FRMD4A: variants seen among roughly 807,000 people sequenced by gnomAD.
The protein encoded by FRMD4A is FERM domain-containing protein 4A.
FRMD4A carries 29 observed loss-of-function variants against 129.1 expected under a neutral mutation model. The observed-to-expected ratio is 0.22, with a 90% CI of 0.17 to 0.31. The LOEUF (loss-of-function observed/expected upper bound fraction) is 0.31, where lower values mean the gene tolerates loss of function less well. FRMD4A is among the 10% of genes least tolerant of loss of function. The pLI is 1.00. For missense variants in FRMD4A, 1,272 were observed against 1,375.8 expected (o/e 0.92, Z 1.19); for synonymous variants, 634 against 571.6 (o/e 1.11, Z -1.56).
chr10:14,181,665 A>G (rs1841917226), intron 2 of FRMD4A, among the ~76,000 whole-genome samples: 1 of 152,200 alleles, frequency 6.6e-6, no homozygotes, highest in Admixed American at 6.5e-5. Context: ...ATGTTCTGAT[A>G]TATGTACGCA....
intron 6 of FRMD4A, among the ~76,000 whole-genome samples, chr10:13,766,717 C>A (rs1478094260): frequency 2.0e-5 from 3 of 152,170 alleles, no homozygotes; most frequent in Non-Finnish European, 2.9e-5. Context: ...CCTTAAGATT[C>A]TACCACGATG....
chr10:13,658,443 G>A (rs950276831), intron 21 of FRMD4A, among the ~76,000 whole-genome samples: 3 of 152,368 alleles, frequency 2.0e-5, no homozygotes, highest in Non-Finnish European at 4.4e-5. Flanking sequence ...GATGTTGCCC[G>A]ATGCTGGGAC....
At chr10:14,205,154 G>A (rs1380906048) in intron 2 of FRMD4A, among the ~76,000 whole-genome samples, 10 of 150,302 alleles carry the variant, frequency 6.7e-5, no homozygotes, top group African/African-American at 2.4e-4. Context: ...GTTAGCCATA[G>A]GAAAAAAAAT....
intron 2 of FRMD4A, among the ~76,000 whole-genome samples, chr10:14,184,933 T>C (rs1842039875): frequency 6.6e-6 from 1 of 152,182 alleles, no homozygotes; most frequent in African/African-American, 2.4e-5. Flanking sequence ...TAAAGTCGTG[T>C]AGGGTGTTTC....
intron 2 of FRMD4A, among the ~76,000 whole-genome samples, chr10:14,153,772 C>T (rs1484354890): frequency 6.6e-6 from 1 of 152,204 alleles, no homozygotes; most frequent in Non-Finnish European, 1.5e-5. Flanking sequence ...GAAGCACTGG[C>T]AGAAAGTCGG....
chr10:14,218,361 C>A (rs945310091), intron 2 of FRMD4A, among the ~76,000 whole-genome samples: 3 of 152,174 alleles, frequency 2.0e-5, no homozygotes, highest in Non-Finnish European at 4.4e-5. Flanking sequence ...TCATTCTCTG[C>A]CACAGATTAG....
rs76302617 is a variant in FRMD4A at position 14,309,441 on chromosome 10, C to A, written c.45+20617G>T. 5.5e-3 allele frequency among the ~76,000 whole-genome samples: 837 copies of A among 152,106 alleles called. 34 individuals carry two copies. In the East Asian group the frequency reaches 0.063, roughly 11 times the overall value. The stretch of plus-strand genomic sequence containing the variant: ...CTCCAGCCTGGGCCACAGAGGGAGA[C>A]CTTGTCACAAAAACAAAAACAAAAC... On this transcript the variant is annotated intron_variant, in intron 2 of 24. Coordinates refer to ENST00000357447, the MANE Select transcript of FRMD4A (RefSeq NM_018027.5).
rs1038849345 is a variant in FRMD4A at position 13,718,086 on chromosome 10, A to G, written c.760-10973T>C. On this transcript the variant is annotated intron_variant, in intron 12 of 24. Coordinates refer to ENST00000357447, the MANE Select transcript of FRMD4A (RefSeq NM_018027.5). ...ACTTTGGAACACCTCGTGCTTCCAG[A>G]GCCGGCCCATCCTGCTGGGGAGGGG... is the stretch of plus-strand genomic sequence containing the variant. 4.6e-5 allele frequency among the ~76,000 whole-genome samples: 7 copies of G among 152,186 alleles called. No individual in the cohort carries two copies. The East Asian group carries it at 1.2e-3, about 25-fold the overall frequency.
intron 15 of FRMD4A, chr10:13,683,963 A>AC (rs1291045988): frequency 6.6e-6 from 1 of 151,504 alleles, no homozygotes; most frequent in Non-Finnish European, 1.5e-5. Context: ...GCCCGCCTTG[A>AC]CTCCCAAAGT....
intron 2 of FRMD4A, among the ~76,000 whole-genome samples, chr10:14,313,559 T>C (rs909878902): frequency 1.3e-5 from 2 of 152,206 alleles, no homozygotes; most frequent in Non-Finnish European, 2.9e-5. Flanking sequence ...ACAATGTTTT[T>C]TGTTTTTCTA....
At chr10:14,266,510 TG>T (rs1844985092) in intron 2 of FRMD4A, among the ~76,000 whole-genome samples, 1 of 151,184 alleles carries the variant, frequency 6.6e-6, no homozygotes, top group African/African-American at 2.5e-5. Context: ...TGTGTGTGTG[TG>T]TGTGTGTGTG....
rs371351602 is a variant in FRMD4A, at chr10:13,920,593, A to G, written c.46-61681T>C. Among the ~76,000 whole-genome samples the G allele has an allele frequency of 8.4e-4, 128 of 152,326 alleles. 1 individual carries two copies. The highest frequency in any genetic ancestry group is 3.4e-3 in the Middle Eastern group (1 of 294). ...GTCCACAGCACTTGAATTCCACCAC[A>G]CACTTATAGGTGAATAGTGGAAAAC... On this transcript the variant is annotated intron_variant, in intron 2 of 24. Coordinates refer to ENST00000357447, the MANE Select transcript of FRMD4A (RefSeq NM_018027.5).
intron 12 of FRMD4A, among the ~76,000 whole-genome samples, chr10:13,724,987 G>C (rs954993362): frequency 6.6e-6 from 1 of 152,188 alleles, no homozygotes; most frequent in African/African-American, 2.4e-5. Context: ...GACAGACGTG[G>C]GGTTACCTAC....
intron 12 of FRMD4A, among the ~76,000 whole-genome samples, chr10:13,736,332 G>A (rs1208738774): frequency 1.3e-5 from 2 of 152,126 alleles, no homozygotes; most frequent in Non-Finnish European, 2.9e-5. Context: ...CCACAATTGA[G>A]GAACACAAAG....
intron 2 of FRMD4A, among the ~76,000 whole-genome samples, chr10:14,252,343 A>C (rs1844467562): frequency 6.6e-6 from 1 of 152,252 alleles, no homozygotes; most frequent in South Asian, 2.1e-4. Flanking sequence ...GATTTTTGCC[A>C]ATTGGACAAA....
chr10:14,098,048 T>TATTATATATAAATTATA (rs1564288744), intron 2 of FRMD4A, among the ~76,000 whole-genome samples: 1 of 98,218 alleles, frequency 1.0e-5, no homozygotes, highest in Non-Finnish European at 2.1e-5. Flanking sequence ...TATAAATTAT[T>TATTATATATAAATTATA]TATTATATAA....
intron 2 of FRMD4A, among the ~76,000 whole-genome samples, chr10:14,129,816 A>T (rs1245926865): frequency 6.6e-6 from 1 of 152,178 alleles, no homozygotes; most frequent in African/African-American, 2.4e-5. Flanking sequence ...AACACTCAAC[A>T]ATGAGAAGTC....
chr10:14,002,533 T>C (rs955249709), intron 2 of FRMD4A, among the ~76,000 whole-genome samples: 1 of 152,212 alleles, frequency 6.6e-6, no homozygotes, highest in Non-Finnish European at 1.5e-5. Context: ...ACTGACAGTT[T>C]ATATGAACTT....
chr10:13,847,037 C>T (rs1262229215), intron 3 of FRMD4A, among the ~76,000 whole-genome samples: 1 of 152,168 alleles, frequency 6.6e-6, no homozygotes, highest in Non-Finnish European at 1.5e-5. Flanking sequence ...ACAGGCAAGA[C>T]TTAAGGATGT....
Sources: gnomAD v4.1 joint callset for allele counts (sites outside exome capture counted in the v4.1 genomes callset) on GRCh38, gnomAD v4.1.1 for gene constraint, MANE v1.5 for transcripts, NCBI Gene and HGNC (gene_info 2026-07-23, HGNC 2026-07-21) for gene names.